The following CDC14B variants were observed in gnomAD, a reference collection of about 807,000 sequenced individuals.
CDC14B encodes the protein dual specificity protein phosphatase CDC14B.
In CDC14B, 22 loss-of-function variants were observed where a neutral mutation model predicts 64.2. The observed-to-expected ratio is 0.34, with a 90% confidence interval of 0.24 to 0.49. The LOEUF is 0.49. Ranked by LOEUF, CDC14B falls within the 20% of genes least tolerant of loss-of-function variation. CDC14B has a pLI of 0.99. For missense variants in CDC14B, 498 were observed against 629.9 expected, an observed-to-expected ratio of 0.79 and a Z score of 2.24; for synonymous variants, 191 against 215.8, an observed-to-expected ratio of 0.89 and a Z score of 1.01.
At chr9:96,576,393 G>T (rs1040344172) in intron 1 of CDC14B, among the ~76,000 whole-genome samples, 2 of 151,976 alleles carry the variant, frequency 1.3e-5, no homozygotes, top group Non-Finnish European at 2.9e-5. Context: ...CACTTTGGGA[G>T]GCTGAGGCAG....
At chr9:96,599,491 A>G (rs1196191678) in intron 1 of CDC14B, among the ~76,000 whole-genome samples, 2 of 152,208 alleles carry the variant, frequency 1.3e-5, no homozygotes, top group African/African-American at 2.4e-5. Flanking sequence ...GCAGAACCAC[A>G]TGGAGCACAT....
chr9:96,510,328 CACTT>C (rs1045761245), intron 12 of CDC14B, among the ~76,000 whole-genome samples: 12 of 152,118 alleles, frequency 7.9e-5, no homozygotes, highest in South Asian at 4.1e-4. Flanking sequence ...TTATATATAA[CACTT>C]ACTAAATCTC....
chr9:96,565,970 A>G (rs1193298642), intron 1 of CDC14B, among the ~76,000 whole-genome samples: 2 of 152,338 alleles, frequency 1.3e-5, no homozygotes, highest in South Asian at 2.1e-4. Context: ...AGAACAAACC[A>G]TATGTTTCTC....
At chr9:96,516,208 T>A (rs1835634485) in intron 12 of CDC14B, among the ~76,000 whole-genome samples, 1 of 151,984 alleles carries the variant, frequency 6.6e-6, no homozygotes, top group African/African-American at 2.4e-5. Context: ...CCCAGACTAG[T>A]TAACAAAATC....
intron 13 of CDC14B, among the ~76,000 whole-genome samples, chr9:96,507,256 G>A (rs548099078): frequency 1.1e-4 from 17 of 149,516 alleles, no homozygotes; most frequent in African/African-American, 4.2e-4. Flanking sequence ...GACGAAGTTT[G>A]CAGTGAGCCG....
intron 1 of CDC14B, among the ~76,000 whole-genome samples, chr9:96,581,152 C>T (rs181260773): frequency 2.1e-3 from 314 of 152,274 alleles, no homozygotes; most frequent in African/African-American, 7.3e-3. Flanking sequence ...ATCGCTTGAA[C>T]CCAGGAGGTG....
intron 12 of CDC14B, among the ~76,000 whole-genome samples, chr9:96,517,075 C>T (rs1371950085): frequency 1.3e-5 from 2 of 151,698 alleles, no homozygotes; most frequent in Non-Finnish European, 2.9e-5. Context: ...CGCAGTGGCT[C>T]ATGCCTGTAA....
In CDC14B at chr9:96,523,766, T is replaced by G. The variant is rs16911080; in HGVS notation, c.947-41A>C. The G allele has an allele frequency of 5.4e-3, 8,555 of 1,597,106 alleles. 357 individuals carry two copies. In the African/African-American group the frequency reaches 0.098, roughly 18 times the overall value. On this transcript the variant is annotated intron_variant, in intron 9 of 13. Coordinates refer to ENST00000375241, the MANE Select transcript of CDC14B (RefSeq NM_033331.4). ...AGCACAGAAATGAAACTTGGGCTGA[T>G]GTACTCCAGGATTTTGTTGGGCAGG... is the stretch of plus-strand genomic sequence containing the variant.
At chr9:96,575,779 G>A (rs1229269287) in intron 1 of CDC14B, among the ~76,000 whole-genome samples, 3 of 152,154 alleles carry the variant, frequency 2.0e-5, no homozygotes, top group Admixed American at 2.0e-4. Context: ...GAATGCAGGA[G>A]TTCAAGACCA....
intron 9 of CDC14B, among the ~76,000 whole-genome samples, chr9:96,529,826 C>T (rs1158419410): frequency 2.0e-5 from 3 of 151,982 alleles, no homozygotes; most frequent in Non-Finnish European, 4.4e-5. Flanking sequence ...AGTGAGTCCT[C>T]CAACCTTTTT....
intron 1 of CDC14B, among the ~76,000 whole-genome samples, chr9:96,574,697 CAA>C (rs57056796): frequency 4.6e-4 from 23 of 49,958 alleles, no homozygotes; most frequent in African/African-American, 1.8e-3. Flanking sequence ...CTCGGTCTCA[CAA>C]AAAAAAAAAA....
In CDC14B at chr9:96,557,223, G is replaced by T. The variant is rs991018922; in HGVS notation, c.421-5351C>A. ...AGGGCCGGCTCCCAAGGAAGCACTG[G>T]CTTCCCACTGAGGGCCTGTGCCGTC... On this transcript the variant is annotated intron_variant, in intron 4 of 13. Transcript: ENST00000375241. Among the ~76,000 whole-genome samples, 4 of 152,354 alleles carry T rather than the reference G, an allele frequency of 2.6e-5. No individual in the cohort carries two copies. In the East Asian group the frequency reaches 7.7e-4, roughly 29 times the overall value.
At chr9:96,512,723 A>C (rs1835083497) in intron 12 of CDC14B, among the ~76,000 whole-genome samples, 1 of 152,232 alleles carries the variant, frequency 6.6e-6, no homozygotes, top group Non-Finnish European at 1.5e-5. Flanking sequence ...ACAAAACAAA[A>C]CAAACTGCTG....
At chr9:96,618,317 A>C (rs967941012) in intron 1 of CDC14B, among the ~76,000 whole-genome samples, 2 of 152,218 alleles carry the variant, frequency 1.3e-5, no homozygotes, top group Non-Finnish European at 2.9e-5. Context: ...ATTCCCTCAA[A>C]ATCGTGGACA....
At chr9:96,492,774 G>C (rs536652098) in exon 14 of CDC14B, 1 of 152,316 alleles carries the variant, frequency 6.6e-6, no homozygotes, top group African/African-American at 2.4e-5. Context: ...TTTAAAAAGG[G>C]AGGTGCTGCC....
chr9:96,568,511 G>A (rs1844270515), intron 1 of CDC14B, among the ~76,000 whole-genome samples: 1 of 152,224 alleles, frequency 6.6e-6, no homozygotes, highest in African/African-American at 2.4e-5. Flanking sequence ...GTGCTGCAGT[G>A]TGTCGGGAGG....
At chr9:96,534,778 C>T (rs1446875202) in intron 7 of CDC14B, among the ~76,000 whole-genome samples, 1 of 152,174 alleles carries the variant, frequency 6.6e-6, no homozygotes, top group Non-Finnish European at 1.5e-5. Context: ...AGGGTATCAG[C>T]CCTTGGAATA....
chr9:96,533,396 C>G (rs551963974), intron 9 of CDC14B, among the ~76,000 whole-genome samples: 5 of 152,230 alleles, frequency 3.3e-5, no homozygotes, highest in Non-Finnish European at 7.3e-5. Context: ...AGCAGTAACT[C>G]TGGAGATCAG....
At chr9:96,496,259 G>A (rs776527067), downstream of CDC14B, 13 of 500,178 alleles carry the variant, frequency 2.6e-5, no homozygotes, top group East Asian at 5.8e-5. Context: ...GGCAACGGGC[G>A]TGTCCAGGAG....
Sources: gnomAD v4.1 joint callset for allele counts (sites outside exome capture counted in the v4.1 genomes callset) on GRCh38, gnomAD v4.1.1 for gene constraint, MANE v1.5 for transcripts, NCBI Gene and HGNC (gene_info 2026-07-23, HGNC 2026-07-21) for gene names.